MRPL42: variants seen among roughly 807,000 people sequenced by gnomAD.
MRPL42 encodes the protein mitochondrial ribosomal protein L42.
Under a neutral mutation model 17.9 loss-of-function variants are expected in MRPL42, and 17 were observed. The observed-to-expected ratio is 0.95, with a 90% CI of 0.65 to 1.42. The LOEUF is 1.42. Among genes scored for constraint, MRPL42 ranks in the 40% most tolerant of loss-of-function variants. The probability of loss-of-function intolerance (pLI) is 0.00; values close to 1 mark genes in which losing one functional copy is unlikely to be tolerated. For synonymous variants in MRPL42, 59 were observed against 54.4 expected (o/e 1.08, Z -0.37); for missense variants, 177 against 175.2 (o/e 1.01, Z -0.06).
rs1304739212 is a variant in MRPL42, at chr12:93,510,874, A to C, written c.*9653A>C. On this transcript the variant is annotated 3_prime_UTR_variant, in exon 6 of 6. Coordinates refer to ENST00000549982, the MANE Select transcript of MRPL42 (RefSeq NM_014050.4). Reference sequence around the variant, plus strand: ...TTTATGGGGGACCAGTGTTAAGATTAGATCTGTTTAAAGAGAAAGGAGAGA... The same window carrying C: ...TTTATGGGGGACCAGTGTTAAGATTCGATCTGTTTAAAGAGAAAGGAGAGA... The C allele has an allele frequency of 6.6e-6, 1 of 152,204 alleles. No homozygotes were observed. Among genetic ancestry groups the C allele is most frequent in the African/African-American group, 2.4e-5 (1 of 41,450 alleles). The allele number at this position is 152,204 out of a possible 1,614,324, so 9.4% of individuals were successfully genotyped here. A position where few individuals can be genotyped will look rare whatever the true frequency, so the allele number is the denominator to read the frequency against.
At chr12:93,485,861 G>T (rs1366600915) in intron 4 of MRPL42, among the ~76,000 whole-genome samples, 1 of 152,060 alleles carries the variant, frequency 6.6e-6, no homozygotes, top group Non-Finnish European at 1.5e-5. Context: ...AGGCAGGAGG[G>T]TACTGTGCAG....
chr12:93,489,831 C>T (rs1192472521), intron 5 of MRPL42, among the ~76,000 whole-genome samples: 1 of 152,212 alleles, frequency 6.6e-6, no homozygotes, highest in Admixed American at 6.5e-5. Context: ...CCACTGCTCC[C>T]GGCCTTCCTT....
chr12:93,478,542 T>C (rs546699343), intron 3 of MRPL42, among the ~76,000 whole-genome samples: 1 of 152,326 alleles, frequency 6.6e-6, no homozygotes, highest in Non-Finnish European at 1.5e-5. Flanking sequence ...CTACCACGCC[T>C]GGCCTTGATA....
At chr12:93,470,627 G>C in intron 2 of MRPL42, 1 of 1,073,912 alleles carries the variant, frequency 9.3e-7, no homozygotes, top group East Asian at 6.2e-5. Flanking sequence ...CCTCCATTCT[G>C]TTTTGAGTCC....
chr12:93,480,382 A>G (rs1880400836), intron 4 of MRPL42, among the ~76,000 whole-genome samples: 1 of 151,780 alleles, frequency 6.6e-6, no homozygotes, highest in South Asian at 2.1e-4. Context: ...CGGCCTCCCA[A>G]AGCGCTGGGA....
At chr12:93,479,102 T>A (rs568723618) in intron 3 of MRPL42, among the ~76,000 whole-genome samples, 8 of 151,664 alleles carry the variant, frequency 5.3e-5, no homozygotes, top group African/African-American at 1.9e-4. Context: ...TGGCTAATAT[T>A]TGTATTTTTA....
chr12:93,479,294 A>G, intron 3 of MRPL42, 94 bp from the exon 4 acceptor site: 1 of 696,342 alleles, frequency 1.4e-6, no homozygotes, highest in South Asian at 2.4e-5. Context: ...AGCCTGGGTG[A>G]CATAGTGAGA....
intron 2 of MRPL42, among the ~76,000 whole-genome samples, chr12:93,475,233 G>A (rs1208324209): frequency 6.6e-6 from 1 of 151,802 alleles, no homozygotes; most frequent in Non-Finnish European, 1.5e-5. Context: ...TCCTGTCTTA[G>A]CCTCCCGAGT....
At chr12:93,467,719 T>C (rs765377973) in intron 1 of MRPL42, among the ~76,000 whole-genome samples, 165 bp downstream of exon 1, 3 of 152,260 alleles carry the variant, frequency 2.0e-5, no homozygotes, top group African/African-American at 7.2e-5. Flanking sequence ...GGCATGTGGC[T>C]GCGCGTTTCT....
rs1232438575 is a variant in MRPL42, at chr12:93,513,816, GATTA to G, written c.*12597_*12600del. 2.6e-5 allele frequency: 4 copies of G among 152,008 alleles called. No homozygotes were observed. Among genetic ancestry groups the G allele is most frequent in the African/African-American group, 9.7e-5 (4 of 41,374 alleles). 9.4% of individuals were successfully genotyped at this position (152,008 alleles called of 1,614,324 possible). A position where few individuals can be genotyped will look rare whatever the true frequency, so the allele number is the denominator to read the frequency against. The stretch of plus-strand genomic sequence containing the variant: ...TTTATAAAAGTACTAGACCACAATG[GATTA>G]AAGAACTATCCTTTCATCACAGATA... On this transcript the variant is annotated 3_prime_UTR_variant, in exon 6 of 6. Coordinates refer to ENST00000549982, the MANE Select transcript of MRPL42 (RefSeq NM_014050.4).
chr12:93,474,283 A>G (rs1289367391), intron 2 of MRPL42, among the ~76,000 whole-genome samples: 2 of 151,524 alleles, frequency 1.3e-5, no homozygotes, highest in African/African-American at 4.8e-5. Context: ...TTTAATTTAT[A>G]TTTTTTATTA....
intron 3 of MRPL42, 60 bp from the exon 4 acceptor site, chr12:93,479,328 A>AT (rs1880342514): frequency 2.1e-5 from 26 of 1,263,778 alleles, no homozygotes; most frequent in Non-Finnish European, 2.6e-5. Context: ...AAAAAAAAAA[A>AT]GGTAATCATT....
chr12:93,487,380 C>A, intron 4 of MRPL42, 117 bp from the exon 5 acceptor site: 7 of 831,636 alleles, frequency 8.4e-6, no homozygotes, highest in South Asian at 2.3e-5. Flanking sequence ...ACTTATTTGC[C>A]CACCCTAAAG....
At chr12:93,469,146 T>G in intron 1 of MRPL42, 46 bp from the exon 2 acceptor site, 1 of 601,174 alleles carries the variant, frequency 1.7e-6, no homozygotes, top group South Asian at 2.4e-5. Context: ...TAATATAACT[T>G]AAATTTACCA....
At chr12:93,497,953 A>C (rs2121271916) in intron 5 of MRPL42, among the ~76,000 whole-genome samples, 1 of 136,642 alleles carries the variant, frequency 7.3e-6, no homozygotes, top group Admixed American at 7.7e-5. Context: ...TATTCTGGCT[A>C]CATGGCCTCT....
At chr12:93,496,318 C>T (rs539262302) in intron 5 of MRPL42, among the ~76,000 whole-genome samples, 1 of 152,102 alleles carries the variant, frequency 6.6e-6, no homozygotes, top group South Asian at 2.1e-4. Context: ...CTCGGGCTCC[C>T]AAAGTGCTAA....
chr12:93,491,434 C>T (rs893740201), intron 5 of MRPL42, among the ~76,000 whole-genome samples: 13 of 151,952 alleles, frequency 8.6e-5, no homozygotes, highest in Non-Finnish European at 1.9e-4. Flanking sequence ...AAATATTTTG[C>T]CTATTTTTTA....
chr12:93,505,684 A>C lies in MRPL42; in HGVS notation c.*4463A>C, dbSNP rs923196478. On this transcript the variant is annotated 3_prime_UTR_variant, in exon 6 of 6. Transcript: ENST00000549982. Reference sequence around the variant, plus strand: ...CACTGGGAAGGAATACTCAGGAACAATATGTAATGTGCTTTCTAGTTTTGC... The same window carrying C: ...CACTGGGAAGGAATACTCAGGAACACTATGTAATGTGCTTTCTAGTTTTGC... The C allele has an allele frequency of 6.6e-6, 1 of 152,192 alleles. No homozygotes were observed. The highest frequency in any genetic ancestry group is 2.4e-5 in the African/African-American group (1 of 41,438). 9.4% of individuals were successfully genotyped at this position (152,192 alleles called of 1,614,324 possible). A position where few individuals can be genotyped will look rare whatever the true frequency, so the allele number is the denominator to read the frequency against.
At position 93,513,539 on chromosome 12, in the gene MRPL42, G is replaced by C. The variant is rs1953745446; in HGVS notation, c.*12318G>C. ...TGTGTTTATTCAAAGTATATCTAAT[G>C]GTCTAATAAACAGAATCACTACTTC... On this transcript the variant is annotated 3_prime_UTR_variant, in exon 6 of 6. Transcript: ENST00000549982. 1 of 151,822 alleles carries C rather than the reference G, an allele frequency of 6.6e-6. No homozygotes were observed. Among genetic ancestry groups the C allele is most frequent in the South Asian group, 2.1e-4 (1 of 4,802 alleles). 9.4% of individuals were successfully genotyped at this position (151,822 alleles called of 1,614,324 possible). A position where few individuals can be genotyped will look rare whatever the true frequency, so the allele number is the denominator to read the frequency against.
Sources: allele counts gnomAD v4.1 joint callset (sites outside exome capture counted in the v4.1 genomes callset), GRCh38; gene constraint gnomAD v4.1.1; transcripts MANE v1.5; gene names NCBI Gene and HGNC (gene_info 2026-07-23, HGNC 2026-07-21).